The following THSD7B variants were observed in gnomAD, a reference collection of about 807,000 sequenced individuals.
The protein encoded by THSD7B is thrombospondin type-1 domain-containing protein 7B.
In THSD7B, 138 loss-of-function variants were observed where a neutral mutation model predicts 213.6. That is an observed-to-expected ratio of 0.65 (90% CI 0.56 to 0.74). The LOEUF is 0.74. THSD7B is among the 30% of genes least tolerant of loss of function. The pLI, the probability that THSD7B is intolerant of heterozygous loss-of-function variation, is 0.00. For synonymous variants in THSD7B, 742 were observed against 687.0 expected, an observed-to-expected ratio of 1.08 and a Z score of -1.25; for missense variants, 1,931 against 1,991.5, an observed-to-expected ratio of 0.97 and a Z score of 0.58.
rs376737743 is a variant in THSD7B, at chr2:137,310,236, T to G, written c.2500+34210T>G. 4.4e-3 allele frequency among the ~76,000 whole-genome samples: 674 copies of G among 151,790 alleles called. 2 individuals are homozygous for G. The highest frequency in any genetic ancestry group is 0.012 in the South Asian group (56 of 4,740). ...TGTTATCTCACTGTGGTTTTGATTTTCATTTCTCTGATGGCCAGTGATGGT... is the reference window on the plus strand; with the variant it reads ...TGTTATCTCACTGTGGTTTTGATTTGCATTTCTCTGATGGCCAGTGATGGT... On this transcript the variant is annotated intron_variant, in intron 12 of 27. Transcript: ENST00000409968.
chr2:137,185,037 G>A (rs577639200), intron 7 of THSD7B, among the ~76,000 whole-genome samples: 3 of 152,108 alleles, frequency 2.0e-5, no homozygotes, highest in Admixed American at 6.6e-5. Context: ...AACAAATAGT[G>A]GACAGCTACA....
intron 10 of THSD7B, 111 bp from the exon 11 acceptor site, chr2:137,272,422 T>A: frequency 8.7e-7 from 1 of 1,149,738 alleles, no homozygotes; most frequent in Non-Finnish European, 1.2e-6. Flanking sequence ...CAGGTTGACT[T>A]TCCACATGTG....
intron 12 of THSD7B, among the ~76,000 whole-genome samples, chr2:137,372,966 C>T (rs371447998): frequency 8.0e-5 from 12 of 149,796 alleles, no homozygotes; most frequent in South Asian, 2.1e-4. Context: ...TTTGTTCTTG[C>T]GATAGTTTAC....
intron 17 of THSD7B, among the ~76,000 whole-genome samples, chr2:137,575,743 T>TATATATATATATATATATATATATATATA (rs1558845591): frequency 7.0e-6 from 1 of 143,814 alleles, no homozygotes; most frequent in Admixed American, 7.2e-5. Context: ...TATATATATA[T>TATATATATATATATATATATATATATATA]TTTTACTTTA....
intron 10 of THSD7B, among the ~76,000 whole-genome samples, chr2:137,250,256 A>T (rs1682143237): frequency 6.6e-6 from 1 of 152,212 alleles, no homozygotes; most frequent in Non-Finnish European, 1.5e-5. Context: ...ATTTTATTTT[A>T]ATTTGACAAA....
intron 12 of THSD7B, among the ~76,000 whole-genome samples, chr2:137,298,792 G>T (rs184332158): frequency 2.0e-3 from 298 of 152,294 alleles, no homozygotes; most frequent in African/African-American, 7.0e-3. Context: ...AAGAATTGAG[G>T]TTTGGAAACC....
chr2:137,058,987 G>A (rs1438906894), intron 3 of THSD7B, among the ~76,000 whole-genome samples: 4 of 152,096 alleles, frequency 2.6e-5, no homozygotes, highest in South Asian at 2.1e-4. Context: ...TTGAATTGCC[G>A]AAGACTAACT....
intron 3 of THSD7B, among the ~76,000 whole-genome samples, chr2:137,066,883 T>A (rs914152217): frequency 1.5e-4 from 23 of 151,116 alleles, no homozygotes; most frequent in Non-Finnish European, 2.6e-4. Flanking sequence ...CTTTTAAGTC[T>A]TTTTTAATCC....
chr2:137,587,444 GT>G (rs949773092), intron 17 of THSD7B, among the ~76,000 whole-genome samples: 1 of 152,190 alleles, frequency 6.6e-6, no homozygotes, highest in African/African-American at 2.4e-5. Context: ...TTTCTGCTCT[GT>G]TTTTTCCCCA....
chr2:137,564,983 A>G (rs977743306), intron 16 of THSD7B, among the ~76,000 whole-genome samples: 12 of 152,166 alleles, frequency 7.9e-5, no homozygotes, highest in Non-Finnish European at 1.0e-4. Context: ...AAATAAGGTT[A>G]TTGGTGTGGG....
intron 12 of THSD7B, among the ~76,000 whole-genome samples, chr2:137,277,771 C>G (rs1682906119): frequency 6.6e-6 from 1 of 151,990 alleles, no homozygotes; most frequent in Non-Finnish European, 1.5e-5. Flanking sequence ...ATGGTATATC[C>G]TGGACAACTC....
chr2:137,463,212 AG>A (rs1290788692), intron 15 of THSD7B, among the ~76,000 whole-genome samples: 3 of 152,150 alleles, frequency 2.0e-5, no homozygotes, highest in South Asian at 2.1e-4. Context: ...ATGTAGCGTA[AG>A]CCAGGGGGCA....
chr2:136,921,496 A>G (rs567165481), intron 2 of THSD7B, among the ~76,000 whole-genome samples: 1 of 151,790 alleles, frequency 6.6e-6, no homozygotes, highest in Non-Finnish European at 1.5e-5. Context: ...GGCATAGGCT[A>G]TGTAAGATGT....
intron 1 of THSD7B, among the ~76,000 whole-genome samples, chr2:136,769,807 A>G (rs16855705): frequency 0.032 from 4,908 of 152,292 alleles, 214 homozygotes; most frequent in East Asian, 0.22. Flanking sequence ...AGATGTGGAG[A>G]TCTGTGAAAG....
intron 7 of THSD7B, among the ~76,000 whole-genome samples, chr2:137,224,000 C>T (rs954550498): frequency 6.6e-6 from 1 of 152,144 alleles, no homozygotes; most frequent in Non-Finnish European, 1.5e-5. Flanking sequence ...GCTTCCTGTA[C>T]AGCCTGTGGA....
intron 21 of THSD7B, among the ~76,000 whole-genome samples, chr2:137,650,562 A>G (rs553878880): frequency 6.7e-4 from 102 of 152,284 alleles, no homozygotes; most frequent in African/African-American, 2.4e-3. Context: ...TCCAACTTAG[A>G]TGTCCTTTAT....
rs1310859774 is a variant in THSD7B at position 136,921,561 on chromosome 2, T to A, written c.139+39244T>A. Among the ~76,000 whole-genome samples the A allele has an allele frequency of 2.6e-5, 4 of 152,188 alleles. No individual in the cohort carries two copies. In the East Asian group the frequency reaches 7.7e-4, roughly 29 times the overall value. Reference sequence around the variant, plus strand: ...TTGATTACAAAGAAGGTAGAATGTTTCAGATTCATTTCAGGTGTCACTAAC... The same window carrying A: ...TTGATTACAAAGAAGGTAGAATGTTACAGATTCATTTCAGGTGTCACTAAC... On this transcript the variant is annotated intron_variant, in intron 2 of 27. Coordinates refer to ENST00000409968, the MANE Select transcript of THSD7B (RefSeq NM_001316349.2).
At chr2:137,344,254 T>C (rs931984258) in intron 12 of THSD7B, among the ~76,000 whole-genome samples, 3 of 151,662 alleles carry the variant, frequency 2.0e-5, no homozygotes, top group African/African-American at 7.3e-5. Flanking sequence ...GCCAAAAAAG[T>C]TGGGGACCAC....
intron 12 of THSD7B, among the ~76,000 whole-genome samples, chr2:137,355,088 T>C (rs1297594630): frequency 6.6e-6 from 1 of 152,176 alleles, no homozygotes; most frequent in Non-Finnish European, 1.5e-5. Context: ...TTTGGGGTTT[T>C]GACAGTTTAA....
Sources: allele counts gnomAD v4.1 joint callset (sites outside exome capture counted in the v4.1 genomes callset), GRCh38; gene constraint gnomAD v4.1.1; transcripts MANE v1.5; gene names NCBI Gene and HGNC (gene_info 2026-07-23, HGNC 2026-07-21).